Variants in SLC22A24 observed in about 807,000 individuals in gnomAD.
The protein encoded by SLC22A24 is steroid transmembrane transporter SLC22A24.
A neutral mutation model predicts 49.8 loss-of-function variants in SLC22A24; 53 were observed. The ratio of observed to expected loss-of-function variants is 1.06; its 90% CI spans 0.85 to 1.34. The LOEUF (loss-of-function observed/expected upper bound fraction) is 1.34. SLC22A24 is among the 40% of genes most tolerant of loss of function. The probability of loss-of-function intolerance (pLI) is 0.00; values close to 1 mark genes in which losing one functional copy is unlikely to be tolerated. For synonymous variants in SLC22A24, 302 were observed against 256.4 expected, an observed-to-expected ratio of 1.18 and a Z score of -1.70; for missense variants, 786 against 675.9, an observed-to-expected ratio of 1.16 and a Z score of -1.81.
intron 1 of SLC22A24, 93 bp downstream of exon 1, chr11:63,143,285 C>T: frequency 8.8e-7 from 1 of 1,133,324 alleles, no homozygotes; most frequent in Non-Finnish European, 1.2e-6. Context: ...CAGGTCCCAT[C>T]TAAGGACTAA....
At chr11:63,128,365 G>C (rs2087307794) in intron 2 of SLC22A24, among the ~76,000 whole-genome samples, 1 of 152,078 alleles carries the variant, frequency 6.6e-6, no homozygotes, top group African/African-American at 2.4e-5. Flanking sequence ...CGTAGCGTCA[G>C]TGCCTAGGAA....
chr11:63,117,932 CT>C (rs1347792708), intron 4 of SLC22A24, among the ~76,000 whole-genome samples: 3 of 152,172 alleles, frequency 2.0e-5, no homozygotes, highest in Non-Finnish European at 4.4e-5. Context: ...TGTTCCTCAG[CT>C]TCTAATTTTC....
At chr11:63,129,782 T>C (rs1268318024) in intron 2 of SLC22A24, among the ~76,000 whole-genome samples, 1 of 152,086 alleles carries the variant, frequency 6.6e-6, no homozygotes, top group Non-Finnish European at 1.5e-5. Context: ...TCTGTTTGTC[T>C]GTTATTGGTG....
At chr11:63,094,825 G>T (rs1383839143) in intron 6 of SLC22A24, among the ~76,000 whole-genome samples, 2 of 152,184 alleles carry the variant, frequency 1.3e-5, no homozygotes, top group Admixed American at 6.5e-5. Context: ...TTTTAATGGG[G>T]TTGTTTGTTT....
At chr11:63,138,930 A>C (rs1193410215) in intron 1 of SLC22A24, among the ~76,000 whole-genome samples, 1 of 152,192 alleles carries the variant, frequency 6.6e-6, no homozygotes, top group Non-Finnish European at 1.5e-5. Flanking sequence ...TTGTAAAAAC[A>C]AACTGCCTAC....
chr11:63,114,615 A>G (rs2087198797), intron 4 of SLC22A24, among the ~76,000 whole-genome samples: 1 of 152,188 alleles, frequency 6.6e-6, no homozygotes, highest in Non-Finnish European at 1.5e-5. Context: ...AGGAGCTGCA[A>G]TCCTTTGGAG....
intron 6 of SLC22A24, among the ~76,000 whole-genome samples, chr11:63,092,751 G>T (rs1189962003): frequency 1.3e-5 from 2 of 150,964 alleles, no homozygotes; most frequent in African/African-American, 4.9e-5. Context: ...TGTAAGAAAA[G>T]CTAGGCAGTG....
intron 4 of SLC22A24, among the ~76,000 whole-genome samples, chr11:63,108,497 G>A (rs115560664): frequency 0.081 from 12,265 of 152,018 alleles, 535 homozygotes; most frequent in African/African-American, 0.11. Flanking sequence ...TAATAGTTTC[G>A]GAAGGAATGG....
Position 63,143,491 on chromosome 11 carries a change from GC to G in SLC22A24, c.288del (p.Trp96CysfsTer6). 1 of 1,601,214 alleles carries G rather than the reference GC, an allele frequency of 6.2e-7. No individual in the cohort carries two copies. Among genetic ancestry groups the G allele is most frequent in the Non-Finnish European group, 8.5e-7 (1 of 1,173,994 alleles). ...AAGGTCCCGTTCAGGTGAAGGAGCT[GC>G]CACTGGGGATGGATAAAGCGCTGAC... ...QKCQRFIHPQ[W>X]QLLHLNGTFP... is the part of the protein sequence containing the mutation. On this transcript the variant is annotated frameshift_variant, in exon 1 of 10. Coordinates refer to ENST00000612278, the MANE Select transcript of SLC22A24 (RefSeq NM_001136506.2). LOFTEE classifies it high-confidence loss of function.
In SLC22A24 at chr11:63,114,540, T is replaced by G. The variant is rs889947046; in HGVS notation, c.830+4372A>C. 4.6e-5 allele frequency among the ~76,000 whole-genome samples: 7 copies of G among 152,216 alleles called. No individual in the cohort carries two copies. The South Asian group carries it at 8.3e-4, about 18-fold the overall frequency. On this transcript the variant is annotated intron_variant, in intron 4 of 9. Transcript: ENST00000612278. ...CGGAGAAGTTTGTTATTATTGACCTTCTGAAGCCTACTTCTGTTAACTCAT... is the reference window on the plus strand; with the variant it reads ...CGGAGAAGTTTGTTATTATTGACCTGCTGAAGCCTACTTCTGTTAACTCAT...
In SLC22A24 at chr11:63,083,414, G is replaced by A. The variant is rs1372646216; in HGVS notation, c.1114C>T (p.Gln372Ter). 2.3e-5 allele frequency: 36 copies of A among 1,551,428 alleles called. No individual in the cohort carries two copies. The highest frequency in any genetic ancestry group is 2.8e-5 in the Non-Finnish European group (32 of 1,146,828). Reference sequence around the variant, plus strand: ...AGGGAGACATTGCTCCCTAAGTGCTGCAAGTTGAGTATCAGGCCATAAAAG... The same window carrying A: ...AGGGAGACATTGCTCCCTAAGTGCTACAAGTTGAGTATCAGGCCATAAAAG... The part of the protein sequence containing the change: ...VPFYGLILNL[Q>*]HLGSNVSLFQ... Residue 372 changes from glutamine to a stop codon, truncating the protein, a stop_gained, in exon 7 of 10, where the codon CAG becomes TAG. Coordinates refer to ENST00000612278, the MANE Select transcript of SLC22A24 (RefSeq NM_001136506.2). LOFTEE classifies it high-confidence loss of function.
At chr11:63,105,466 T>C (rs2087115168) in intron 4 of SLC22A24, among the ~76,000 whole-genome samples, 1 of 152,274 alleles carries the variant, frequency 6.6e-6, no homozygotes, top group Admixed American at 6.5e-5. Flanking sequence ...CTCTGAAATC[T>C]AGATGGAGGT....
intron 2 of SLC22A24, among the ~76,000 whole-genome samples, chr11:63,124,179 G>T (rs970999431): frequency 6.6e-6 from 1 of 152,144 alleles, no homozygotes; most frequent in Non-Finnish European, 1.5e-5. Context: ...ATGGAAGAAG[G>T]TAATAGATGA....
chr11:63,096,208 C>T (rs1018771767), intron 5 of SLC22A24, 102 bp from the exon 6 acceptor site: 26 of 728,522 alleles, frequency 3.6e-5, no homozygotes, highest in African/African-American at 2.7e-4. Flanking sequence ...GTAAACTATC[C>T]TCAAGGAAAT....
At chr11:63,122,143 T>G (rs1214318561) in intron 2 of SLC22A24, among the ~76,000 whole-genome samples, 2 of 152,184 alleles carry the variant, frequency 1.3e-5, no homozygotes, top group Non-Finnish European at 2.9e-5. Context: ...CATTTTTCTT[T>G]TTAAAGGCCT....
chr11:63,125,089 A>C (rs1422163941), intron 2 of SLC22A24, among the ~76,000 whole-genome samples: 1 of 144,570 alleles, frequency 6.9e-6, no homozygotes, highest in East Asian at 2.1e-4. Flanking sequence ...TGTACCCTAA[A>C]ACTTAAAGTA....
intron 6 of SLC22A24, among the ~76,000 whole-genome samples, chr11:63,085,985 A>T (rs2086984961): frequency 6.6e-6 from 1 of 152,160 alleles, no homozygotes. Flanking sequence ...TTACAAGGAG[A>T]TCCAATCTCA....
chr11:63,127,413 A>G (rs1243813155), intron 2 of SLC22A24, among the ~76,000 whole-genome samples: 5 of 152,182 alleles, frequency 3.3e-5, no homozygotes, highest in Non-Finnish European at 5.9e-5. Context: ...AGTCTTTGCT[A>G]TTGTGAATAG....
chr11:63,097,391 G>C (rs1035055784), intron 5 of SLC22A24, among the ~76,000 whole-genome samples: 7 of 152,190 alleles, frequency 4.6e-5, no homozygotes, highest in Non-Finnish European at 1.0e-4. Context: ...TCTCATGCCA[G>C]TTAGAATGGC....
Sources: gnomAD v4.1 joint callset for allele counts (sites outside exome capture counted in the v4.1 genomes callset) on GRCh38, gnomAD v4.1.1 for gene constraint, MANE v1.5 for transcripts, NCBI Gene and HGNC (gene_info 2026-07-23, HGNC 2026-07-21) for gene names.